SGSM2: variants seen among roughly 807,000 people sequenced by gnomAD.
The protein encoded by SGSM2 is RUN and TBC1 domain containing 1.
SGSM2 carries 89 observed loss-of-function variants against 126.6 expected under a neutral mutation model. The ratio of observed to expected loss-of-function variants is 0.70; its 90% CI spans 0.59 to 0.84. The LOEUF (loss-of-function observed/expected upper bound fraction) is 0.84, where lower values mean the gene tolerates loss of function less well. SGSM2 is among the 40% of genes least tolerant of loss of function. SGSM2 has a pLI of 0.00. For synonymous variants in SGSM2, 614 were observed against 574.3 expected (o/e 1.07, Z -0.99); for missense variants, 1,404 against 1,416.6 (o/e 0.99, Z 0.14).
intron 16 of SGSM2, 96 bp downstream of exon 16, chr17:2,373,177 C>A: frequency 6.4e-7 from 1 of 1,562,120 alleles, no homozygotes; most frequent in Admixed American, 1.8e-5. Flanking sequence ...CCTTCCCAGC[C>A]GGAAAGAAGC....
In SGSM2 at chr17:2,367,373, C is replaced by A; in HGVS notation, c.1391C>A (p.Ser464Ter). The change falls in exon 12 of 24, where the codon TCG (serine) becomes TAG (stop). Residue 464 changes from serine to a stop codon, truncating the protein, a stop_gained. Coordinates refer to ENST00000268989, the MANE Select transcript of SGSM2 (RefSeq NM_014853.3). LOFTEE classifies it high-confidence loss of function. This position sits in a 1 kb window ranked among gnomAD's most constrained non-coding sequence, Gnocchi z 4.0. ...CACGCGATGCTCTCAATGATCTGCT[C>A]GCGGAACCTCACAGCTCCCAATCCG... Reference protein sequence around the residue: ...KLHAMLSMICSRNLTAPNPMK... With the variant: ...KLHAMLSMIC 1 of 1,614,128 alleles carries A rather than the reference C, an allele frequency of 6.2e-7. No individual in the cohort carries two copies. The highest frequency in any genetic ancestry group is 1.1e-5 in the South Asian group (1 of 91,086).
chr17:2,346,949 C>A (rs1416313836), intron 2 of SGSM2, among the ~76,000 whole-genome samples: 2 of 152,014 alleles, frequency 1.3e-5, no homozygotes. Context: ...ACTCGCTGGG[C>A]ATGGTGGTGC....
At chr17:2,346,574 G>C (rs919916869) in intron 2 of SGSM2, among the ~76,000 whole-genome samples, 1 of 152,158 alleles carries the variant, frequency 6.6e-6, no homozygotes, top group Admixed American at 6.6e-5. Flanking sequence ...AGTGTTTGCT[G>C]TGGTTGTTCC....
chr17:2,375,751 C>T lies in SGSM2; in HGVS notation c.2360C>T (p.Ser787Phe). The T allele has an allele frequency of 6.2e-7, 1 of 1,604,894 alleles. No homozygotes were observed. The highest frequency in any genetic ancestry group is 8.5e-7 in the Non-Finnish European group (1 of 1,174,260). Reference sequence around the variant, plus strand: ...GAGGACGGCGGTGGGGAGGAAGGCTCCAGTGGGCCCGGCCCTGCAGCTCAC... The same window carrying T: ...GAGGACGGCGGTGGGGAGGAAGGCTTCAGTGGGCCCGGCCCTGCAGCTCAC... ...EEEDGGGEEG[S>F]SGPGPAAHTL... The change falls in exon 18 of 24, where the codon TCC (serine) becomes TTC (phenylalanine). Residue 787 changes from serine to phenylalanine, a missense_variant. By Grantham distance (155) the Ser-to-Phe change is radical. Transcript: ENST00000268989.
Position 2,376,222 on chromosome 17 carries a change from C to T in SGSM2, c.2570C>T (p.Thr857Met), listed in dbSNP as rs375217455. Residue 857 changes from threonine to methionine, a missense_variant, in exon 19 of 24, where the codon ACG (threonine) becomes ATG (methionine). Physicochemically the swap from Thr to Met is moderately conservative, Grantham distance 81. Transcript: ENST00000268989. The stretch of plus-strand genomic sequence containing the variant: ...TGTGACCGCAACTACTGGTACTTCA[C>T]GCCCCCCAACCTCGAGAGGCTCAGA... The part of the protein sequence containing the change: ...QRCDRNYWYF[T>M]PPNLERLRDV... 12 of 1,613,918 alleles carry T rather than the reference C, an allele frequency of 7.4e-6. No individual in the cohort carries two copies. The highest frequency in any genetic ancestry group is 1.3e-5 in the African/African-American group (1 of 74,894).
chr17:2,378,735 C>G (rs1330392530), intron 22 of SGSM2, among the ~76,000 whole-genome samples: 1 of 152,114 alleles, frequency 6.6e-6, no homozygotes, highest in Admixed American at 6.5e-5. Flanking sequence ...TCTGCAGGAA[C>G]CCAGTGTGCA....
intron 2 of SGSM2, among the ~76,000 whole-genome samples, chr17:2,357,924 G>A (rs1251159843): frequency 2.6e-5 from 4 of 152,138 alleles, no homozygotes; most frequent in Admixed American, 2.6e-4. Context: ...TAATGTCAGG[G>A]TCATCACCTT....
intron 1 of SGSM2, among the ~76,000 whole-genome samples, chr17:2,342,148 G>A (rs901011174): frequency 7.9e-5 from 12 of 152,006 alleles, no homozygotes; most frequent in East Asian, 1.9e-4. Context: ...GTGTGGTGGC[G>A]GCTCACACCT....
At chr17:2,353,077 C>G (rs2064939203) in intron 2 of SGSM2, among the ~76,000 whole-genome samples, 1 of 151,908 alleles carries the variant, frequency 6.6e-6, no homozygotes, top group African/African-American at 2.4e-5. Context: ...GCGCCCGGCC[C>G]ACTGCTGCAT....
In SGSM2 at chr17:2,372,722, G is replaced by A; in HGVS notation, c.1789-231G>A. The A allele has an allele frequency of 2.5e-6, 2 of 799,818 alleles. No individual in the cohort carries two copies. The highest frequency in any genetic ancestry group is 3.9e-6 in the Non-Finnish European group (2 of 510,198). 49.5% of individuals were successfully genotyped at this position (799,818 alleles called of 1,614,324 possible). On this transcript the variant is annotated intron_variant, in intron 15 of 23. Coordinates refer to ENST00000268989, the MANE Select transcript of SGSM2 (RefSeq NM_014853.3). The surrounding 1 kb of genome is among the most constrained non-coding windows in gnomAD (Gnocchi z 6.0). Reference sequence around the variant, plus strand: ...GCCCTGTGACCCTGGACAAAGCTTTGCCTCTCTCCGGGCGCCATTTCCTGC... The same window carrying A: ...GCCCTGTGACCCTGGACAAAGCTTTACCTCTCTCCGGGCGCCATTTCCTGC...
chr17:2,361,055 G>T (rs945246109), intron 2 of SGSM2, among the ~76,000 whole-genome samples: 83 of 152,192 alleles, frequency 5.5e-4, no homozygotes, highest in African/African-American at 1.9e-3. Flanking sequence ...GTCTGTCTGT[G>T]GAAAGTCCAG....
rs1334399730 is a variant in SGSM2 at position 2,376,998 on chromosome 17, G to A, written c.2732G>A (p.Arg911Lys). ...AYSCFSHLMKRMSQNFPNGGA... is the reference protein window; with the variant it reads ...AYSCFSHLMKKMSQNFPNGGA... ...AGCTGCTTCAGCCACCTCATGAAGAGGATGAGCCAGAACTTCCCCAACGGG... is the reference window on the plus strand; with the variant it reads ...AGCTGCTTCAGCCACCTCATGAAGAAGATGAGCCAGAACTTCCCCAACGGG... The change falls in exon 21 of 24, where the codon AGG becomes AAG. Residue 911 changes from arginine to lysine, a missense_variant. Coordinates refer to ENST00000268989, the MANE Select transcript of SGSM2 (RefSeq NM_014853.3). The A allele has an allele frequency of 6.2e-7, 1 of 1,613,896 alleles. No individual in the cohort carries two copies. The highest frequency in any genetic ancestry group is 1.7e-5 in the Admixed American group (1 of 60,012).
Position 2,363,732 on chromosome 17 carries a change from C to A in SGSM2, c.807+133C>A. ...GGGGAGAATGGCCCCAGCCTCCCAA[C>A]TCCCTGTTTCACACGACTCACGCCC... On this transcript the variant is annotated intron_variant, in intron 7 of 23. Transcript: ENST00000268989. The surrounding 1 kb of genome is among the most constrained non-coding windows in gnomAD (Gnocchi z 4.2). 2 of 1,322,416 alleles carry A rather than the reference C, an allele frequency of 1.5e-6. No homozygotes were observed. Among genetic ancestry groups the A allele is most frequent in the Non-Finnish European group, 2.1e-6 (2 of 972,360 alleles). 81.9% of individuals were successfully genotyped at this position (1,322,416 alleles called of 1,614,324 possible). A position where few individuals can be genotyped will look rare whatever the true frequency, so the allele number is the denominator to read the frequency against.
At chr17:2,338,928 G>C (rs759460067) in intron 1 of SGSM2, among the ~76,000 whole-genome samples, 1 of 151,706 alleles carries the variant, frequency 6.6e-6, no homozygotes, top group Non-Finnish European at 1.5e-5. Flanking sequence ...GGGTGGTGGT[G>C]CGTGCCTGTA....
chr17:2,379,174 A>AC lies in SGSM2; in HGVS notation c.3039dup (p.Phe1014LeufsTer3). On this transcript the variant is annotated frameshift_variant, in exon 23 of 24. Coordinates refer to ENST00000268989, the MANE Select transcript of SGSM2 (RefSeq NM_014853.3). LOFTEE classifies it high-confidence loss of function. ...GAGATCATCCGTGACAACAACATGG[A>AC]CTTCACTGACATCATCAAGTTTTTC... is the stretch of plus-strand genomic sequence containing the variant. 1 of 1,613,904 alleles carries AC rather than the reference A, an allele frequency of 6.2e-7. No individual in the cohort carries two copies. The highest frequency in any genetic ancestry group is 8.5e-7 in the Non-Finnish European group (1 of 1,179,934).
At chr17:2,355,478 G>A (rs2065059168) in intron 2 of SGSM2, among the ~76,000 whole-genome samples, 2 of 15,454 alleles carry the variant, frequency 1.3e-4, no homozygotes, top group Non-Finnish European at 3.5e-4. Context: ...GAATCGGGGT[G>A]TAAGGGTTGG....
At chr17:2,347,307 A>C (rs1425451738) in intron 2 of SGSM2, among the ~76,000 whole-genome samples, 1 of 151,708 alleles carries the variant, frequency 6.6e-6, no homozygotes, top group African/African-American at 2.4e-5. Flanking sequence ...GGGTTTCACC[A>C]TGTTGGCCAG....
In SGSM2 at chr17:2,367,198, C is replaced by T. The variant is rs561860551; in HGVS notation, c.1289-73C>T. Reference sequence around the variant, plus strand: ...TGACCCCGGCCTCCATTCCACTCCCCTTAAGGAGGGAGTCCGTCCTGCCCA... The same window carrying T: ...TGACCCCGGCCTCCATTCCACTCCCTTTAAGGAGGGAGTCCGTCCTGCCCA... On this transcript the variant is annotated intron_variant, in intron 11 of 23. Coordinates refer to ENST00000268989, the MANE Select transcript of SGSM2 (RefSeq NM_014853.3). This position sits in a 1 kb window ranked among gnomAD's most constrained non-coding sequence, Gnocchi z 4.0. 1 of 1,507,270 alleles carries T rather than the reference C, an allele frequency of 6.6e-7. No individual in the cohort carries two copies. Among genetic ancestry groups the T allele is most frequent in the Non-Finnish European group, 8.9e-7 (1 of 1,119,440 alleles). The allele number at this position is 1,507,270 out of a possible 1,614,324, so 93.4% of individuals were successfully genotyped here.
rs764683188 is a variant in SGSM2 at position 2,363,555 on chromosome 17, C to T, written c.763C>T (p.Arg255Trp). Residue 255 changes from arginine (R) to tryptophan (W), a missense_variant, in exon 7 of 24, where the codon CGG becomes TGG. Transcript: ENST00000268989. This position sits in a 1 kb window ranked among gnomAD's most constrained non-coding sequence, Gnocchi z 4.2. ...ECVESLHQNSRTRLLYGKNHV... is the reference protein window; with the variant it reads ...ECVESLHQNSWTRLLYGKNHV... ...TGTGGAGTCCCTGCACCAGAACTCA[C>T]GGACGCGGCTGCTCTATGGCAAGAA... The T allele has an allele frequency of 1.1e-5, 17 of 1,613,484 alleles. No individual in the cohort carries two copies. The highest frequency in any genetic ancestry group is 1.4e-5 in the Non-Finnish European group (16 of 1,179,964).
Sources: gnomAD v4.1 joint callset for allele counts (sites outside exome capture counted in the v4.1 genomes callset) on GRCh38, gnomAD v4.1.1 for gene constraint, Gnocchi (gnomAD v3.1) non-coding constraint, MANE v1.5 for transcripts, NCBI Gene and HGNC (gene_info 2026-07-23, HGNC 2026-07-21) for gene names.